The following ASXL3 variants were observed in gnomAD, a reference collection of about 807,000 sequenced individuals.
The protein encoded by ASXL3 is ASXL transcriptional regulator 3, also known as putative Polycomb group protein ASXL3.
A neutral mutation model predicts 170.6 loss-of-function variants in ASXL3; 34 were observed. The ratio of observed to expected loss-of-function variants is 0.20; its 90% CI spans 0.15 to 0.27. ASXL3 has a LOEUF of 0.27. Among genes scored for constraint, ASXL3 ranks in the 10% least tolerant of loss-of-function variants. The pLI is 1.00. For missense variants in ASXL3, 2,592 were observed against 2,695.3 expected (o/e 0.96, Z 0.85); for synonymous variants, 1,002 against 989.1 (o/e 1.01, Z -0.24).
intron 8 of ASXL3, among the ~76,000 whole-genome samples, chr18:33,690,507 G>A (rs750060119): frequency 1.4e-4 from 21 of 152,076 alleles, no homozygotes; most frequent in East Asian, 3.9e-4. Context: ...GCCTATTTAC[G>A]TAATATATAA....
intron 1 of ASXL3, among the ~76,000 whole-genome samples, chr18:33,596,960 G>A (rs149144034): frequency 1.5e-4 from 23 of 152,068 alleles, no homozygotes; most frequent in African/African-American, 4.8e-4. Context: ...GGACTAGCAC[G>A]TGCCACCACG....
At position 33,583,651 on chromosome 18, in the gene ASXL3, T is replaced by C. The variant is rs147243786; in HGVS notation, c.54+4966T>C. On this transcript the variant is annotated intron_variant, in intron 1 of 11. Coordinates refer to ENST00000269197, the MANE Select transcript of ASXL3 (RefSeq NM_030632.3). ...GTTAATTTTTTATTTCCTGCCGACA[T>C]TAAGTTTTTCTATTTTTTTGACAAA... is the stretch of plus-strand genomic sequence containing the variant. Among the ~76,000 whole-genome samples, 27 of 152,278 alleles carry C rather than the reference T, an allele frequency of 1.8e-4. No individual in the cohort carries two copies. In the East Asian group the frequency reaches 2.5e-3, roughly 14 times the overall value.
intron 10 of ASXL3, 24 bp downstream of exon 10, chr18:33,734,439 C>A (rs376704963): frequency 1.4e-6 from 2 of 1,443,382 alleles, no homozygotes; most frequent in South Asian, 2.5e-5. Context: ...TATTTTTTCT[C>A]ATTTCTCTGA....
rs540230083 is a variant in ASXL3 at position 33,734,531 on chromosome 18, A to G, written c.1082+116A>G. The G allele has an allele frequency of 2.4e-3, 1,320 of 544,678 alleles. 3 individuals are homozygous for G. Among genetic ancestry groups the G allele is most frequent in the Non-Finnish European group, 3.2e-3 (1,082 of 333,998 alleles). The allele number at this position is 544,678 out of a possible 1,614,324, so 33.7% of individuals were successfully genotyped here. A position where few individuals can be genotyped will look rare whatever the true frequency, so the allele number is the denominator to read the frequency against. Reference sequence around the variant, plus strand: ...CTTAATAAACCTGTGATAAAAGGCAATAGTCCCTCAGTGTAAGAAATTGCA... The same window carrying G: ...CTTAATAAACCTGTGATAAAAGGCAGTAGTCCCTCAGTGTAAGAAATTGCA... On this transcript the variant is annotated intron_variant, in intron 10 of 11. Coordinates refer to ENST00000269197, the MANE Select transcript of ASXL3 (RefSeq NM_030632.3).
At chr18:33,700,289 T>G (rs367624607) in intron 8 of ASXL3, among the ~76,000 whole-genome samples, 2 of 151,938 alleles carry the variant, frequency 1.3e-5, no homozygotes, top group African/African-American at 4.8e-5. Context: ...AGGGGTGGAA[T>G]AGGTGGTTAT....
In ASXL3 at chr18:33,714,855, T is replaced by C. The variant is rs376070078; in HGVS notation, c.880-17113T>C. ...TTTAAATTGGCTTATTAGTGTTATC[T>C]TGAATCCATTTTGGGGTAGGAACCT... On this transcript the variant is annotated intron_variant, in intron 8 of 11. Transcript: ENST00000269197. 2.6e-5 allele frequency among the ~76,000 whole-genome samples: 4 copies of C among 152,356 alleles called. No homozygotes were observed. In the East Asian group the frequency reaches 5.8e-4, roughly 22 times the overall value.
intron 5 of ASXL3, among the ~76,000 whole-genome samples, chr18:33,667,704 C>T (rs963056223): frequency 3.3e-5 from 5 of 152,096 alleles, no homozygotes; most frequent in African/African-American, 1.2e-4. Flanking sequence ...TTGGTTCTCC[C>T]CGCCCAAGTT....
At chr18:33,655,695 C>A (rs2066072618) in intron 4 of ASXL3, among the ~76,000 whole-genome samples, 1 of 152,110 alleles carries the variant, frequency 6.6e-6, no homozygotes, top group South Asian at 2.1e-4. Context: ...CTGTTCAAGT[C>A]TTTTTAACAA....
chr18:33,652,088 T>C (rs1404916660), intron 4 of ASXL3, among the ~76,000 whole-genome samples: 6 of 152,098 alleles, frequency 3.9e-5, no homozygotes, highest in Admixed American at 2.0e-4. Flanking sequence ...AATTACTTGA[T>C]ATATCCGTGT....
chr18:33,600,142 CTACTT>C lies in ASXL3; in HGVS notation c.55-7449_55-7445del, dbSNP rs554563222. ...TGATTTGGGTGACTGTGTTTGCAAA[CTACTT>C]TATATGAAGATTGATGAAGAAACTA... On this transcript the variant is annotated intron_variant, in intron 1 of 11. Coordinates refer to ENST00000269197, the MANE Select transcript of ASXL3 (RefSeq NM_030632.3). 6.7e-3 allele frequency among the ~76,000 whole-genome samples: 1,015 copies of C among 152,150 alleles called. 5 individuals are homozygous for C. The highest frequency in any genetic ancestry group is 0.012 in the Non-Finnish European group (798 of 67,986).
At chr18:33,650,605 G>A (rs1275860551) in intron 4 of ASXL3, among the ~76,000 whole-genome samples, 1 of 152,098 alleles carries the variant, frequency 6.6e-6, no homozygotes, top group Non-Finnish European at 1.5e-5. Flanking sequence ...TAGCATGAGA[G>A]CACTCAGCCA....
intron 8 of ASXL3, among the ~76,000 whole-genome samples, chr18:33,712,558 A>T (rs550000801): frequency 6.6e-6 from 1 of 152,300 alleles, no homozygotes; most frequent in South Asian, 2.1e-4. Context: ...GATTGTTCTG[A>T]AACAAAAGCT....
intron 2 of ASXL3, among the ~76,000 whole-genome samples, chr18:33,624,472 A>G (rs1467061701): frequency 6.6e-6 from 1 of 151,956 alleles, no homozygotes; most frequent in Admixed American, 6.6e-5. Context: ...GGCAGTGGTG[A>G]TATTTCTTTA....
chr18:33,651,290 TG>T (rs1466892139), intron 4 of ASXL3, among the ~76,000 whole-genome samples: 3 of 152,296 alleles, frequency 2.0e-5, no homozygotes, highest in Middle Eastern at 3.4e-3. Flanking sequence ...GCTTACTCTG[TG>T]TCTAATATAT....
Position 33,743,664 on chromosome 18 carries a change from T to C in ASXL3, c.3816T>C (p.Thr1272=). ...SVLMSVDSAN[T]TISACNISML... is the part of the protein sequence containing the mutation. ...TAATGTCTGTTGACAGTGCAAACAC[T>C]ACAATTTCTGCTTGTAATATAAGCA... The change falls in exon 12 of 12, where the codon ACT becomes ACC. Residue 1272 remains threonine, a synonymous_variant. Transcript: ENST00000269197. 1 of 1,613,842 alleles carries C rather than the reference T, an allele frequency of 6.2e-7. No homozygotes were observed. Among genetic ancestry groups the C allele is most frequent in the Non-Finnish European group, 8.5e-7 (1 of 1,179,880 alleles).
chr18:33,733,598 C>A lies in ASXL3; in HGVS notation c.977-712C>A, dbSNP rs538219485. Among the ~76,000 whole-genome samples, 7 of 152,270 alleles carry A rather than the reference C, an allele frequency of 4.6e-5. No individual in the cohort carries two copies. The South Asian group carries it at 1.5e-3, about 32-fold the overall frequency. ...CTGTTTTTCTACACAGCTTATTTGG[C>A]CATATTCCCTCCACACTGAATGCCA... On this transcript the variant is annotated intron_variant, in intron 9 of 11. Transcript: ENST00000269197.
At chr18:33,614,884 T>A (rs2065398890) in intron 2 of ASXL3, 3 of 152,094 alleles carry the variant, frequency 2.0e-5, no homozygotes, top group Admixed American at 2.0e-4. Flanking sequence ...TAAACCATGT[T>A]GCAAACAGAT....
At chr18:33,591,021 C>T (rs1050496890) in intron 1 of ASXL3, among the ~76,000 whole-genome samples, 6 of 152,114 alleles carry the variant, frequency 3.9e-5, no homozygotes, top group Admixed American at 6.6e-5. Flanking sequence ...ATTAACTTAC[C>T]GAAGAGAACA....
At chr18:33,728,585 G>GACTT (rs2067386872) in intron 8 of ASXL3, among the ~76,000 whole-genome samples, 2 of 151,956 alleles carry the variant, frequency 1.3e-5, no homozygotes, top group African/African-American at 4.8e-5. Flanking sequence ...ATTTCTTAAA[G>GACTT]ACTTACACTC....
Sources: gnomAD v4.1 joint callset for allele counts (sites outside exome capture counted in the v4.1 genomes callset) on GRCh38, gnomAD v4.1.1 for gene constraint, MANE v1.5 for transcripts, NCBI Gene and HGNC (gene_info 2026-07-23, HGNC 2026-07-21) for gene names.